Variants in EPHB2 observed in about 807,000 individuals in gnomAD.
The protein encoded by EPHB2 is EPH receptor B2, also known as ephrin type-B receptor 2.
In EPHB2, 18 loss-of-function variants were observed where a neutral mutation model predicts 96.4. The ratio of observed to expected loss-of-function variants is 0.19; its 90% CI spans 0.13 to 0.28. The LOEUF is 0.28. EPHB2 is among the 10% of genes least tolerant of loss of function. The pLI is 1.00. For missense variants in EPHB2, 989 were observed against 1,355.4 expected (o/e 0.73, Z 4.25); for synonymous variants, 506 against 534.1 (o/e 0.95, Z 0.72).
intron 3 of EPHB2, among the ~76,000 whole-genome samples, chr1:22,801,334 C>G (rs1644840099): frequency 6.6e-6 from 1 of 152,134 alleles, no homozygotes; most frequent in Admixed American, 6.5e-5. Context: ...ATGAATGCCC[C>G]CCTTCCTGTG....
At chr1:22,881,831 G>A (rs309487) in intron 5 of EPHB2, among the ~76,000 whole-genome samples, 14,203 of 152,136 alleles carry the variant, frequency 0.093, 2,166 homozygotes, top group African/African-American at 0.32. Context: ...GACCTCAGGT[G>A]ATCTGCCCAC....
rs1304525845 is a variant in EPHB2 at position 22,908,950 on chromosome 1, G to C, written c.2353-72G>C. ...AGATTGGGGCATCACAGGGCACAGG[G>C]TGGGAGGATTAAGAGAAGAGGTCAG... On this transcript the variant is annotated intron_variant, in intron 12 of 15. Coordinates refer to ENST00000374630, the MANE Select transcript of EPHB2 (RefSeq NM_017449.5). The C allele has an allele frequency of 2.4e-5, 39 of 1,597,044 alleles. No individual in the cohort carries two copies. In the South Asian group the frequency reaches 4.1e-4, roughly 17 times the overall value.
chr1:22,726,975 G>A (rs553971056), intron 1 of EPHB2, among the ~76,000 whole-genome samples: 1 of 152,318 alleles, frequency 6.6e-6, no homozygotes, highest in South Asian at 2.1e-4. Context: ...AGGCTGGAAA[G>A]GGGTAGGTTT....
At chr1:22,755,178 CTAGAA>C (rs1214223069) in intron 1 of EPHB2, among the ~76,000 whole-genome samples, 1 of 152,036 alleles carries the variant, frequency 6.6e-6, no homozygotes, top group Non-Finnish European at 1.5e-5. Context: ...TTATGCCGTC[CTAGAA>C]TACAGTGTCA....
intron 3 of EPHB2, among the ~76,000 whole-genome samples, chr1:22,827,276 C>T (rs1645238390): frequency 6.6e-6 from 1 of 152,208 alleles, no homozygotes; most frequent in Admixed American, 6.5e-5. Flanking sequence ...CCCCCAGGCC[C>T]AGGTCCTCTC....
chr1:22,889,102 C>T (rs2765849), intron 6 of EPHB2, among the ~76,000 whole-genome samples: 1 of 152,032 alleles, frequency 6.6e-6, no homozygotes. Context: ...CTGCAATGGG[C>T]CATAATCGCG....
intron 3 of EPHB2, among the ~76,000 whole-genome samples, chr1:22,856,186 T>C (rs945416156): frequency 6.6e-6 from 1 of 152,140 alleles, no homozygotes; most frequent in African/African-American, 2.4e-5. Context: ...AGGCCAGCCA[T>C]TGAGGTTTTG....
At chr1:22,910,337 C>T (rs775132654) in intron 13 of EPHB2, 45 bp from the exon 14 acceptor site, 3 of 1,612,850 alleles carry the variant, frequency 1.9e-6, no homozygotes, top group South Asian at 2.2e-5. Context: ...GGTAGACGCC[C>T]TCAGCCCATC....
At chr1:22,755,136 A>G (rs1024705403) in intron 1 of EPHB2, among the ~76,000 whole-genome samples, 1 of 152,096 alleles carries the variant, frequency 6.6e-6, no homozygotes, top group African/African-American at 2.4e-5. Flanking sequence ...CAGGGGATTG[A>G]AGAGAATTGA....
chr1:22,839,659 G>C (rs1260329823), intron 3 of EPHB2, among the ~76,000 whole-genome samples: 2 of 152,174 alleles, frequency 1.3e-5, no homozygotes, highest in Non-Finnish European at 2.9e-5. Context: ...CAAATACATG[G>C]CAAACATGGG....
At chr1:22,711,367 G>C (rs1279154806) in intron 1 of EPHB2, among the ~76,000 whole-genome samples, 2 of 148,858 alleles carry the variant, frequency 1.3e-5, no homozygotes, top group Non-Finnish European at 3.0e-5. Context: ...CAGCCGCCTC[G>C]CGCCGGCCTG....
chr1:22,781,546 G>A, intron 2 of EPHB2, 61 bp downstream of exon 2: 1 of 1,552,548 alleles, frequency 6.4e-7, no homozygotes, highest in Non-Finnish European at 8.9e-7. Context: ...CCTGCTGCAG[G>A]GCCCGAATGC....
intron 3 of EPHB2, among the ~76,000 whole-genome samples, chr1:22,795,856 T>TC (rs1444615701): frequency 6.6e-6 from 1 of 151,318 alleles, no homozygotes; most frequent in Non-Finnish European, 1.5e-5. Context: ...ATCAGACAGC[T>TC]CCCCCCGCCG....
chr1:22,730,904 G>C (rs760513946), intron 1 of EPHB2, among the ~76,000 whole-genome samples: 5 of 152,192 alleles, frequency 3.3e-5, no homozygotes, highest in Admixed American at 6.5e-5. Context: ...GACAGAGCAG[G>C]GGACAGGAAG....
At chr1:22,830,704 C>T (rs1343315521) in intron 3 of EPHB2, among the ~76,000 whole-genome samples, 19 of 150,842 alleles carry the variant, frequency 1.3e-4, no homozygotes, top group Admixed American at 1.2e-3. Context: ...ATTACAGGCG[C>T]CCACCACCAC....
At chr1:22,787,321 A>G (rs528368325) in intron 3 of EPHB2, among the ~76,000 whole-genome samples, 2 of 152,210 alleles carry the variant, frequency 1.3e-5, no homozygotes, top group Non-Finnish European at 2.9e-5. Context: ...GCCTGGGAAC[A>G]TGAATCAACT....
At chr1:22,755,670 A>G (rs1218369935) in intron 1 of EPHB2, among the ~76,000 whole-genome samples, 1 of 152,176 alleles carries the variant, frequency 6.6e-6, no homozygotes, top group African/African-American at 2.4e-5. Flanking sequence ...CTTCACTGCA[A>G]AGTGCCTCGG....
chr1:22,742,537 G>C (rs896307217), intron 1 of EPHB2, among the ~76,000 whole-genome samples: 5 of 152,110 alleles, frequency 3.3e-5, no homozygotes, highest in Admixed American at 6.6e-5. Context: ...GCTTAGGCTG[G>C]AGTGGAGTGC....
chr1:22,763,000 C>T (rs1011192830), intron 1 of EPHB2, among the ~76,000 whole-genome samples: 2 of 152,120 alleles, frequency 1.3e-5, no homozygotes, highest in African/African-American at 4.8e-5. Flanking sequence ...GTGAGGCAGA[C>T]AAGGGGGCAC....
Sources: allele counts gnomAD v4.1 joint callset (sites outside exome capture counted in the v4.1 genomes callset), GRCh38; gene constraint gnomAD v4.1.1; transcripts MANE v1.5; gene names NCBI Gene and HGNC (gene_info 2026-07-23, HGNC 2026-07-21).